AUTS2: variants seen among roughly 807,000 people sequenced by gnomAD.
AUTS2 encodes the protein activator of transcription and developmental regulator AUTS2.
In AUTS2, 17 loss-of-function variants were observed where a neutral mutation model predicts 112.4. The ratio of observed to expected loss-of-function variants is 0.15; its 90% CI spans 0.10 to 0.23. The LOEUF (loss-of-function observed/expected upper bound fraction) is 0.23. AUTS2 is among the 10% of genes least tolerant of loss of function. The probability of loss-of-function intolerance (pLI) is 1.00; values close to 1 mark genes in which losing one functional copy is unlikely to be tolerated. For missense variants in AUTS2, 1,510 were observed against 1,701.6 expected (o/e 0.89, Z 1.98); for synonymous variants, 751 against 702.7 (o/e 1.07, Z -1.09).
At chr7:70,224,627 T>C (rs916534709) in intron 4 of AUTS2, among the ~76,000 whole-genome samples, 9 of 152,162 alleles carry the variant, frequency 5.9e-5, no homozygotes, top group African/African-American at 2.2e-4. Flanking sequence ...TGTACAATGT[T>C]TATAACATCT....
chr7:69,868,017 T>G (rs1404754726), intron 1 of AUTS2, among the ~76,000 whole-genome samples: 2 of 152,012 alleles, frequency 1.3e-5, no homozygotes, highest in South Asian at 4.2e-4. Context: ...TAACCCTACA[T>G]AGGCATATAT....
intron 5 of AUTS2, among the ~76,000 whole-genome samples, chr7:70,554,393 CTTTTTTTT>C (rs34757734): frequency 1.3e-3 from 148 of 116,056 alleles, no homozygotes; most frequent in Non-Finnish European, 2.1e-3. Flanking sequence ...TCTTTTCTTT[CTTTTTTTT>C]TTTTTTTTTT....
chr7:70,290,235 TA>T, intron 4 of AUTS2: 1 of 961,128 alleles, frequency 1.0e-6, no homozygotes, highest in Non-Finnish European at 1.4e-6. Context: ...TTTTTCTGTG[TA>T]AAGGAGAAAT....
intron 5 of AUTS2, among the ~76,000 whole-genome samples, chr7:70,446,238 A>G (rs1796312987): frequency 6.6e-6 from 1 of 152,206 alleles, no homozygotes; most frequent in Middle Eastern, 3.2e-3. Context: ...TGCAGCCCAA[A>G]TGATAGTAAA....
At chr7:70,467,093 G>A (rs1157766628) in intron 5 of AUTS2, among the ~76,000 whole-genome samples, 2 of 152,150 alleles carry the variant, frequency 1.3e-5, no homozygotes, top group East Asian at 1.9e-4. Context: ...GACATTATTC[G>A]CTTCATTTTA....
chr7:70,346,467 C>T (rs1474905918), intron 4 of AUTS2, among the ~76,000 whole-genome samples: 2 of 152,124 alleles, frequency 1.3e-5, no homozygotes, highest in Admixed American at 6.5e-5. Context: ...TACCTCTTAC[C>T]TCCATTGTGG....
chr7:70,540,902 A>T, intron 5 of AUTS2, among the ~76,000 whole-genome samples: 1 of 152,184 alleles, frequency 6.6e-6, no homozygotes, highest in East Asian at 1.9e-4. Flanking sequence ...CAGCATCACC[A>T]GGGAGGGGTT....
intron 2 of AUTS2, among the ~76,000 whole-genome samples, chr7:69,931,325 A>G (rs535256554): frequency 2.0e-5 from 3 of 152,336 alleles, no homozygotes; most frequent in South Asian, 2.1e-4. Flanking sequence ...AAGGCTTTGC[A>G]TAGAATCTCT....
rs371801267 is a variant in AUTS2, at chr7:70,771,451, G to T, written c.1735-98G>T. ...AATGGCATCAAACTGAGATTACGTG[G>T]CTTGCTCATGTCGATGTCTTTCTAT... On this transcript the variant is annotated intron_variant, in intron 10 of 18. Transcript: ENST00000342771. 748 of 948,196 alleles carry T rather than the reference G, an allele frequency of 7.9e-4. 8 individuals are homozygous for T. In the South Asian group the frequency reaches 0.012, roughly 15 times the overall value. 58.7% of individuals were successfully genotyped at this position (948,196 alleles called of 1,614,324 possible).
At chr7:70,620,689 G>A (rs1325341098) in intron 5 of AUTS2, among the ~76,000 whole-genome samples, 1 of 152,066 alleles carries the variant, frequency 6.6e-6, no homozygotes, top group South Asian at 2.1e-4. Context: ...TTAGGCCCGA[G>A]GCAGAACTTC....
intron 2 of AUTS2, among the ~76,000 whole-genome samples, chr7:70,008,579 TA>T: frequency 6.6e-6 from 1 of 152,298 alleles, no homozygotes; most frequent in South Asian, 2.1e-4. Context: ...TTTTTTGTCT[TA>T]AAAGCACCCA....
At chr7:69,670,667 A>T (rs2129154477) in intron 1 of AUTS2, among the ~76,000 whole-genome samples, 1 of 150,384 alleles carries the variant, frequency 6.6e-6, no homozygotes, top group South Asian at 2.1e-4. Context: ...GCTTGAACCC[A>T]GGAGTTGGTT....
chr7:70,636,524 T>C (rs1283785996), intron 5 of AUTS2, among the ~76,000 whole-genome samples: 1 of 152,216 alleles, frequency 6.6e-6, no homozygotes, highest in East Asian at 1.9e-4. Flanking sequence ...ATACATTTTG[T>C]GGGACCTTAG....
intron 1 of AUTS2, among the ~76,000 whole-genome samples, chr7:69,864,660 G>A (rs1793139275): frequency 6.6e-6 from 1 of 152,144 alleles, no homozygotes; most frequent in Non-Finnish European, 1.5e-5. Context: ...TCTGTATACT[G>A]AGAGGGAGAA....
At chr7:69,861,971 A>C (rs1793006038) in intron 1 of AUTS2, among the ~76,000 whole-genome samples, 1 of 152,090 alleles carries the variant, frequency 6.6e-6, no homozygotes, top group Admixed American at 6.5e-5. Flanking sequence ...CAAGTTTTTG[A>C]GTTAGTCTCT....
intron 4 of AUTS2, among the ~76,000 whole-genome samples, chr7:70,221,181 T>A (rs1811466710): frequency 1.3e-5 from 2 of 152,246 alleles, no homozygotes; most frequent in Non-Finnish European, 2.9e-5. Context: ...TTGTTGGGAT[T>A]ACAGGCATGA....
Position 70,683,810 on chromosome 7 carries a change from TG to T in AUTS2, c.691-14758del. On this transcript the variant is annotated intron_variant, in intron 5 of 18. Transcript: ENST00000342771. Reference sequence around the variant, plus strand: ...CTGTAACAGTTAACCATCTACAAACTGTGCTAATTTGATTGATAAAGCCCCA... The same window carrying T: ...CTGTAACAGTTAACCATCTACAAACTTGCTAATTTGATTGATAAAGCCCCA... Among the ~76,000 whole-genome samples, 2 of 152,336 alleles carry T rather than the reference TG, an allele frequency of 1.3e-5. 1 individual carries two copies. Among genetic ancestry groups the T allele is most frequent in the Middle Eastern group, 6.8e-3 (2 of 294 alleles).
At chr7:70,093,810 G>A (rs1414544624) in intron 2 of AUTS2, among the ~76,000 whole-genome samples, 1 of 152,182 alleles carries the variant, frequency 6.6e-6, no homozygotes, top group Non-Finnish European at 1.5e-5. Context: ...TAGAACTTGT[G>A]TGAAGGATCT....
At chr7:70,379,723 G>A (rs1391400286) in intron 4 of AUTS2, among the ~76,000 whole-genome samples, 2 of 152,168 alleles carry the variant, frequency 1.3e-5, no homozygotes, top group Non-Finnish European at 2.9e-5. Flanking sequence ...CAACAAGGAA[G>A]TAAAGGGGAT....
Sources: gnomAD v4.1 joint callset for allele counts (sites outside exome capture counted in the v4.1 genomes callset) on GRCh38, gnomAD v4.1.1 for gene constraint, MANE v1.5 for transcripts, NCBI Gene and HGNC (gene_info 2026-07-23, HGNC 2026-07-21) for gene names.